The following ITPR2 variants were observed in gnomAD, a reference collection of about 807,000 sequenced individuals.
The protein encoded by ITPR2 is inositol 1,4,5-trisphosphate receptor type 2.
ITPR2 carries 207 observed loss-of-function variants against 317.1 expected under a neutral mutation model. That is an observed-to-expected ratio of 0.65 (90% CI 0.58 to 0.73). The LOEUF is 0.73. Among genes scored for constraint, ITPR2 ranks in the 30% least tolerant of loss-of-function variants. The pLI is 0.00. For synonymous variants in ITPR2, 1,156 were observed against 1,149.1 expected (o/e 1.01, Z -0.12); for missense variants, 2,613 against 3,284.0 (o/e 0.80, Z 4.99).
intron 21 of ITPR2, among the ~76,000 whole-genome samples, chr12:26,644,271 T>C (rs561865251): frequency 9.2e-5 from 14 of 152,254 alleles, no homozygotes; most frequent in African/African-American, 3.1e-4. Flanking sequence ...CATTACAGCA[T>C]GCACTGTGTC....
At chr12:26,350,629 T>G (rs879880879) in intron 55 of ITPR2, among the ~76,000 whole-genome samples, 2 of 151,950 alleles carry the variant, frequency 1.3e-5, no homozygotes, top group Non-Finnish European at 2.9e-5. Flanking sequence ...GAGCTTAGCT[T>G]TGTTCCTGTG....
intron 51 of ITPR2, among the ~76,000 whole-genome samples, chr12:26,413,883 A>G (rs944522928): frequency 2.0e-5 from 3 of 152,196 alleles, no homozygotes; most frequent in African/African-American, 7.2e-5. Flanking sequence ...CAAAATATTT[A>G]CCACTTGATT....
At chr12:26,720,736 G>A (rs993621304) in intron 5 of ITPR2, among the ~76,000 whole-genome samples, 22 of 152,186 alleles carry the variant, frequency 1.4e-4, no homozygotes, top group African/African-American at 5.3e-4. Flanking sequence ...CACCAAGATT[G>A]AGTGTTTGGG....
chr12:26,588,332 A>G (rs1945590310), intron 32 of ITPR2, among the ~76,000 whole-genome samples: 2 of 152,212 alleles, frequency 1.3e-5, no homozygotes. Flanking sequence ...GAGACTGAGG[A>G]GTGGACAGTG....
At chr12:26,457,307 G>C (rs756357680) in intron 45 of ITPR2, among the ~76,000 whole-genome samples, 1 of 152,162 alleles carries the variant, frequency 6.6e-6, no homozygotes, top group Non-Finnish European at 1.5e-5. Context: ...TTGACTCCAA[G>C]GCACAGCCAG....
chr12:26,613,654 A>G (rs1222814253), intron 26 of ITPR2, among the ~76,000 whole-genome samples: 2 of 152,188 alleles, frequency 1.3e-5, no homozygotes, highest in Non-Finnish European at 2.9e-5. Context: ...ACCCTGGCAT[A>G]GAGTCAGGAA....
Position 26,831,384 on chromosome 12 carries a change from C to A in ITPR2, c.92+1306G>T, listed in dbSNP as rs1485531940. Among the ~76,000 whole-genome samples the A allele has an allele frequency of 6.6e-6, 1 of 152,116 alleles. No homozygotes were observed. The highest frequency in any genetic ancestry group is 2.4e-5 in the African/African-American group (1 of 41,408). On this transcript the variant is annotated intron_variant, in intron 1 of 56. Coordinates refer to ENST00000381340, the MANE Select transcript of ITPR2 (RefSeq NM_002223.4). The surrounding 1 kb of genome is among the most constrained non-coding windows in gnomAD (Gnocchi z 4.9). The stretch of plus-strand genomic sequence containing the variant: ...CTTCCACGTCCCAGTGCTTGGTAGG[C>A]AGCAGTCCGTTATAACACAGCTCGA...
intron 21 of ITPR2, among the ~76,000 whole-genome samples, chr12:26,642,618 A>G (rs1947017521): frequency 6.6e-6 from 1 of 152,052 alleles, no homozygotes; most frequent in African/African-American, 2.4e-5. Flanking sequence ...AAAAGATATT[A>G]CTCATTAATC....
intron 9 of ITPR2, among the ~76,000 whole-genome samples, chr12:26,709,804 T>G (rs1181391913): frequency 1.3e-5 from 2 of 152,238 alleles, no homozygotes; most frequent in African/African-American, 4.8e-5. Flanking sequence ...TGATTTTTGC[T>G]TCAATGAGTT....
At chr12:26,581,703 G>A (rs1371958194) in intron 32 of ITPR2, among the ~76,000 whole-genome samples, 1 of 152,148 alleles carries the variant, frequency 6.6e-6, no homozygotes, top group Non-Finnish European at 1.5e-5. Flanking sequence ...CATGGTCCCA[G>A]ATCTAATATA....
chr12:26,713,179 G>A (rs1404648601), intron 8 of ITPR2, among the ~76,000 whole-genome samples: 1 of 152,216 alleles, frequency 6.6e-6, no homozygotes, highest in Non-Finnish European at 1.5e-5. Flanking sequence ...AGGAGGAGCA[G>A]TCATTGCATT....
chr12:26,521,523 A>G (rs191823035), intron 37 of ITPR2, among the ~76,000 whole-genome samples: 5 of 152,294 alleles, frequency 3.3e-5, no homozygotes, highest in African/African-American at 1.2e-4. Flanking sequence ...GAGTCTTTCC[A>G]AAGCTTCAGC....
rs144469768 is a variant in ITPR2, at chr12:26,667,203, G to T, written c.1410-1152C>A. On this transcript the variant is annotated intron_variant, in intron 13 of 56. Transcript: ENST00000381340. ...TCCAGGAAAGTATAGAATGTATTCAGTTGGAAAACATCTCTTTTCTTCTCT... is the reference window on the plus strand; with the variant it reads ...TCCAGGAAAGTATAGAATGTATTCATTTGGAAAACATCTCTTTTCTTCTCT... 4.9e-4 allele frequency among the ~76,000 whole-genome samples: 75 copies of T among 152,308 alleles called. No individual in the cohort carries two copies. The East Asian group carries it at 0.013, about 25-fold the overall frequency.
At chr12:26,823,726 T>C (rs1950971732) in intron 1 of ITPR2, among the ~76,000 whole-genome samples, 1 of 152,198 alleles carries the variant, frequency 6.6e-6, no homozygotes, top group Non-Finnish European at 1.5e-5. Flanking sequence ...TGGAAATCTT[T>C]GGATAGGTTG....
intron 55 of ITPR2, among the ~76,000 whole-genome samples, chr12:26,356,064 G>A (rs1938628034): frequency 6.6e-6 from 1 of 152,210 alleles, no homozygotes; most frequent in Admixed American, 6.5e-5. Context: ...TCTGGGAGGT[G>A]AGGCAAACAC....
rs1001192029 is a variant in ITPR2 at position 26,711,053 on chromosome 12, G to A, written c.951+120C>T. ...TATATGCCAATCCAGAATACTAGAG[G>A]CAACAATCAAATTTGTGTAATGACT... On this transcript the variant is annotated intron_variant, in intron 9 of 56. Coordinates refer to ENST00000381340, the MANE Select transcript of ITPR2 (RefSeq NM_002223.4). The A allele has an allele frequency of 1.4e-4, 90 of 640,326 alleles. No homozygotes were observed. In the African/African-American group the frequency reaches 1.4e-3, roughly 10 times the overall value. 39.7% of individuals were successfully genotyped at this position (640,326 alleles called of 1,614,324 possible). A position where few individuals can be genotyped will look rare whatever the true frequency, so the allele number is the denominator to read the frequency against.
At chr12:26,605,098 A>AAAT (rs1946093060) in intron 26 of ITPR2, among the ~76,000 whole-genome samples, 4 of 107,150 alleles carry the variant, frequency 3.7e-5, no homozygotes, top group African/African-American at 1.3e-4. Context: ...AAAAAAAAAA[A>AAAT]AAATAAAAAT....
At chr12:26,619,747 G>A (rs1946453146) in intron 26 of ITPR2, among the ~76,000 whole-genome samples, 1 of 152,036 alleles carries the variant, frequency 6.6e-6, no homozygotes, top group South Asian at 2.1e-4. Flanking sequence ...TGACTTGTTG[G>A]TAAGTAATAT....
In ITPR2 at chr12:26,337,434, TTAAAA is replaced by T. The variant is rs1294956732; in HGVS notation, c.*1958_*1962del. 6.6e-6 allele frequency: 1 copy of T among 152,242 alleles called. No individual in the cohort carries two copies. The highest frequency in any genetic ancestry group is 1.5e-5 in the Non-Finnish European group (1 of 68,038). 9.4% of individuals were successfully genotyped at this position (152,242 alleles called of 1,614,324 possible). On this transcript the variant is annotated 3_prime_UTR_variant, in exon 57 of 57. Coordinates refer to ENST00000381340, the MANE Select transcript of ITPR2 (RefSeq NM_002223.4). The stretch of plus-strand genomic sequence containing the variant: ...TCTCTATCCATAAAACTCTGCCTGA[TTAAAA>T]TATTTTAAAGTGTACTTTTTACCTG...
Sources: allele counts gnomAD v4.1 joint callset (sites outside exome capture counted in the v4.1 genomes callset), GRCh38; gene constraint gnomAD v4.1.1; non-coding constraint Gnocchi (gnomAD v3.1); transcripts MANE v1.5; gene names NCBI Gene and HGNC (gene_info 2026-07-23, HGNC 2026-07-21).